The following ST18 variants were observed in gnomAD, a reference collection of about 807,000 sequenced individuals.
ST18 encodes ST18 C2H2C-type zinc finger transcription factor.
A neutral mutation model predicts 110.0 loss-of-function variants in ST18; 50 were observed. The observed-to-expected ratio is 0.45, with a 90% CI of 0.36 to 0.58. ST18 has a LOEUF of 0.58. ST18 is among the 20% of genes least tolerant of loss of function. The pLI, the probability that ST18 is intolerant of heterozygous loss-of-function variation, is 0.00. For synonymous variants in ST18, 461 were observed against 452.4 expected (o/e 1.02, Z -0.24); for missense variants, 1,306 against 1,280.1 (o/e 1.02, Z -0.31).
intron 2 of ST18, chr8:52,248,521 T>C (rs1394449389): frequency 6.6e-6 from 1 of 152,194 alleles, no homozygotes; most frequent in East Asian, 1.9e-4. Context: ...GAACTAAACA[T>C]CCTCTGAATA....
At chr8:52,114,073 G>A (rs986821416) in intron 25 of ST18, among the ~76,000 whole-genome samples, 2 of 135,284 alleles carry the variant, frequency 1.5e-5, no homozygotes, top group Non-Finnish European at 3.1e-5. Flanking sequence ...AGGTTCAAGC[G>A]ATTCTCCTGC....
Position 52,118,320 on chromosome 8 carries a change from ATTAC to A in ST18, c.2859+14_2859+17del. Reference sequence around the variant, plus strand: ...ATTATGATTACATTAAGGATCATGAATTACTTCTTTTTTTTACCTGGGTCTGAAG... The same window carrying A: ...ATTATGATTACATTAAGGATCATGAATTCTTTTTTTTACCTGGGTCTGAAG... On this transcript the variant is annotated intron_variant, in intron 24 of 25. Coordinates refer to ENST00000689386, the MANE Select transcript of ST18 (RefSeq NM_001352837.2). The A allele has an allele frequency of 6.6e-7, 1 of 1,519,716 alleles. No homozygotes were observed. Among genetic ancestry groups the A allele is most frequent in the Non-Finnish European group, 9.0e-7 (1 of 1,105,492 alleles). The allele number at this position is 1,519,716 out of a possible 1,614,324, so 94.1% of individuals were successfully genotyped here. A position where few individuals can be genotyped will look rare whatever the true frequency, so the allele number is the denominator to read the frequency against.
At chr8:52,273,486 T>G (rs2095142417) in intron 2 of ST18, among the ~76,000 whole-genome samples, 1 of 152,210 alleles carries the variant, frequency 6.6e-6, no homozygotes, top group African/African-American at 2.4e-5. Context: ...AGCACAATAG[T>G]ACGGGTTAAC....
In ST18 at chr8:52,380,924, G is replaced by A. The variant is rs77348509; in HGVS notation, c.-465+28404C>T. On this transcript the variant is annotated intron_variant, in intron 2 of 25. Transcript: ENST00000689386. ...GTGCAGGCTGTGTCCCAGGGGTGGGGCGTTAGGGTTCTGTGAATGCTCACA... is the reference window on the plus strand; with the variant it reads ...GTGCAGGCTGTGTCCCAGGGGTGGGACGTTAGGGTTCTGTGAATGCTCACA... 1.2e-4 allele frequency among the ~76,000 whole-genome samples: 19 copies of A among 152,276 alleles called. No individual in the cohort carries two copies. In the East Asian group the frequency reaches 2.7e-3, roughly 22 times the overall value.
chr8:52,235,366 C>T (rs575527791), intron 2 of ST18, among the ~76,000 whole-genome samples: 7 of 152,160 alleles, frequency 4.6e-5, no homozygotes, highest in Non-Finnish European at 7.4e-5. Flanking sequence ...TCAGAGCTCA[C>T]GGTCAGCTCC....
intron 2 of ST18, among the ~76,000 whole-genome samples, chr8:52,343,684 C>T (rs1337112446): frequency 6.6e-6 from 1 of 152,146 alleles, no homozygotes; most frequent in Non-Finnish European, 1.5e-5. Context: ...TATGAATCAA[C>T]AATTTCTGAT....
chr8:52,299,168 G>A (rs188468800), intron 2 of ST18, among the ~76,000 whole-genome samples: 32 of 151,870 alleles, frequency 2.1e-4, no homozygotes, highest in East Asian at 1.7e-3. Flanking sequence ...TCATACACAC[G>A]CACACACACA....
chr8:52,118,207 G>A lies in ST18; in HGVS notation c.2859+131C>T, dbSNP rs577500709. The A allele has an allele frequency of 6.0e-5, 35 of 582,226 alleles. 1 individual carries two copies. The South Asian group carries it at 8.4e-4, about 14-fold the overall frequency. 36.1% of individuals were successfully genotyped at this position (582,226 alleles called of 1,614,324 possible). ...TATTCAGAATTTTACAATAATTATG[G>A]AATCTAGAAACACTCAGCATATTGA... On this transcript the variant is annotated intron_variant, in intron 24 of 25. Transcript: ENST00000689386.
At chr8:52,316,776 T>A (rs74423717) in intron 2 of ST18, among the ~76,000 whole-genome samples, 13,131 of 152,312 alleles carry the variant, frequency 0.086, 601 homozygotes, top group East Asian at 0.13. Context: ...GGTCATGTGC[T>A]GTATGGTATA....
chr8:52,381,629 A>G (rs966149418), intron 2 of ST18, among the ~76,000 whole-genome samples: 3 of 152,228 alleles, frequency 2.0e-5, no homozygotes, highest in Non-Finnish European at 2.9e-5. Context: ...GAGTCGTCTC[A>G]TAAGTACAAC....
Position 52,215,885 on chromosome 8 carries a change from C to A in ST18, c.1-1628G>T, listed in dbSNP as rs561236522. On this transcript the variant is annotated intron_variant, in intron 6 of 25. Coordinates refer to ENST00000689386, the MANE Select transcript of ST18 (RefSeq NM_001352837.2). ...CAAAGTGGCTCAACTCTAGCGAATGCCCCTCCATGTGCTAAATGAATAACT... is the reference window on the plus strand; with the variant it reads ...CAAAGTGGCTCAACTCTAGCGAATGACCCTCCATGTGCTAAATGAATAACT... 9.2e-5 allele frequency among the ~76,000 whole-genome samples: 14 copies of A among 152,288 alleles called. No homozygotes were observed. In the South Asian group the frequency reaches 2.9e-3, roughly 32 times the overall value.
In ST18 at chr8:52,111,201, TTC is replaced by T. The variant is rs2040445732; in HGVS notation, c.*1995_*1996del. The T allele has an allele frequency of 2.7e-6, 1 of 376,452 alleles. No homozygotes were observed. The highest frequency in any genetic ancestry group is 2.1e-5 in the African/African-American group (1 of 48,196). 23.3% of individuals were successfully genotyped at this position (376,452 alleles called of 1,614,324 possible). On this transcript the variant is annotated 3_prime_UTR_variant, in exon 26 of 26. Transcript: ENST00000689386. The stretch of plus-strand genomic sequence containing the variant: ...ATAAATATGTAGGTTGGTAAGAGAT[TTC>T]TTTTAAATTAAATAAAATATATAAC...
At position 52,133,239 on chromosome 8, in the gene ST18, C is replaced by T; in HGVS notation, c.2363G>A (p.Ser788Asn). Residue 788 changes from serine to asparagine, a missense_variant and splice_region_variant, in exon 20 of 26, where the codon AGC becomes AAC. Coordinates refer to ENST00000689386, the MANE Select transcript of ST18 (RefSeq NM_001352837.2). ...HVTGNYASHR[S>N]LSGCPRARKG... ...ATCTCAGAAATAAGATCAATCCTAC[C>T]TTCTGTGGGAAGCATAGTTTCCAGT... The T allele has an allele frequency of 6.2e-7, 1 of 1,614,154 alleles. No homozygotes were observed. The highest frequency in any genetic ancestry group is 1.1e-5 in the South Asian group (1 of 91,070).
intron 2 of ST18, among the ~76,000 whole-genome samples, chr8:52,269,040 C>A (rs2094980729): frequency 6.6e-6 from 1 of 152,190 alleles, no homozygotes; most frequent in Non-Finnish European, 1.5e-5. Flanking sequence ...GCATGGAGTC[C>A]AAACTGAACA....
intron 2 of ST18, among the ~76,000 whole-genome samples, chr8:52,401,145 C>A (rs1010001673): frequency 6.6e-6 from 1 of 151,956 alleles, no homozygotes. Context: ...AAGTATATTT[C>A]TCCCTTCTCT....
intron 2 of ST18, among the ~76,000 whole-genome samples, chr8:52,270,490 G>A (rs1183530926): frequency 1.3e-5 from 2 of 152,084 alleles, no homozygotes; most frequent in African/African-American, 2.4e-5. Context: ...GCACAGCATT[G>A]TTACCTGAAG....
At chr8:52,126,185 T>A (rs1214367530) in intron 22 of ST18, 45 bp from the exon 23 acceptor site, 3 of 1,560,160 alleles carry the variant, frequency 1.9e-6, no homozygotes, top group Middle Eastern at 1.7e-4. Context: ...GTATATGATT[T>A]CTTATAAAAA....
At chr8:52,307,132 G>T (rs1229666698) in intron 2 of ST18, among the ~76,000 whole-genome samples, 1 of 151,908 alleles carries the variant, frequency 6.6e-6, no homozygotes, top group African/African-American at 2.4e-5. Flanking sequence ...CAACCTGGGC[G>T]GCATAGTGGG....
chr8:52,228,620 C>G (rs1011606766), intron 3 of ST18, among the ~76,000 whole-genome samples: 2 of 152,146 alleles, frequency 1.3e-5, no homozygotes, highest in South Asian at 4.1e-4. Flanking sequence ...GAGTGGCAGG[C>G]ACTCTTGTGA....
Sources: allele counts gnomAD v4.1 joint callset (sites outside exome capture counted in the v4.1 genomes callset), GRCh38; gene constraint gnomAD v4.1.1; transcripts MANE v1.5; gene names NCBI Gene and HGNC (gene_info 2026-07-23, HGNC 2026-07-21).